SFXN1: variants seen among roughly 807,000 people sequenced by gnomAD.
SFXN1 encodes the protein sideroflexin 1, also known as sideroflexin-1.
A neutral mutation model predicts 39.5 loss-of-function variants in SFXN1; 32 were observed. The observed-to-expected ratio is 0.81, with a 90% CI of 0.61 to 1.09. The LOEUF (loss-of-function observed/expected upper bound fraction) is 1.09. Ranked by LOEUF, SFXN1 falls within the 50% of genes least tolerant of loss-of-function variation. SFXN1 has a pLI of 0.00. For synonymous variants in SFXN1, 136 were observed against 146.5 expected, an observed-to-expected ratio of 0.93 and a Z score of 0.52; for missense variants, 402 against 407.1, an observed-to-expected ratio of 0.99 and a Z score of 0.11.
At chr5:175,497,182 C>A (rs1759887746) in intron 2 of SFXN1, among the ~76,000 whole-genome samples, 1 of 152,210 alleles carries the variant, frequency 6.6e-6, no homozygotes, top group Admixed American at 6.5e-5. Context: ...AGCCACCATG[C>A]CTCGCCTATA....
intron 1 of SFXN1, chr5:175,483,470 A>C (rs781601014): frequency 5.9e-5 from 9 of 152,356 alleles, no homozygotes; most frequent in Admixed American, 1.3e-4. Context: ...TCCGAGCACC[A>C]GGAAGCCACA....
intron 2 of SFXN1, among the ~76,000 whole-genome samples, chr5:175,502,458 C>G (rs1405894183): frequency 6.6e-6 from 1 of 152,220 alleles, no homozygotes; most frequent in Non-Finnish European, 1.5e-5. Context: ...AAGATAGAGT[C>G]AGTTAGTTCT....
At chr5:175,516,708 T>C (rs778181875) in intron 8 of SFXN1, 45 bp downstream of exon 8, 1 of 1,588,622 alleles carries the variant, frequency 6.3e-7, no homozygotes, top group South Asian at 1.1e-5. Context: ...TTTTTATTTC[T>C]TTTCAGATTT....
chr5:175,515,562 A>G (rs2113347192), intron 7 of SFXN1, among the ~76,000 whole-genome samples: 1 of 152,320 alleles, frequency 6.6e-6, no homozygotes, highest in Non-Finnish European at 1.5e-5. Context: ...CCGCATACCC[A>G]GTGTTTTACA....
chr5:175,497,700 G>A lies in SFXN1; in HGVS notation c.164+5433G>A, dbSNP rs535477548. 6.6e-5 allele frequency among the ~76,000 whole-genome samples: 10 copies of A among 152,122 alleles called. No homozygotes were observed. The South Asian group carries it at 1.2e-3, about 19-fold the overall frequency. On this transcript the variant is annotated intron_variant, in intron 2 of 10. Coordinates refer to ENST00000321442, the MANE Select transcript of SFXN1 (RefSeq NM_022754.7). ...TCCCAGCACTTTTTGAGGCCGAGAC[G>A]GGTAGATCACCTCAGGTTAGGAGTT...
chr5:175,508,375 G>A (rs943156605), intron 2 of SFXN1, among the ~76,000 whole-genome samples: 5 of 151,796 alleles, frequency 3.3e-5, no homozygotes, highest in Admixed American at 3.3e-4. Flanking sequence ...ACAGGCATAT[G>A]CCACAATGCC....
At chr5:175,522,009 A>G (rs747490092) in intron 9 of SFXN1, 41 bp downstream of exon 9, 5 of 1,511,928 alleles carry the variant, frequency 3.3e-6, no homozygotes, top group Non-Finnish European at 3.6e-6. Context: ...TTCTTTTAAA[A>G]TATAAATACA....
intron 8 of SFXN1, 147 bp downstream of exon 8, chr5:175,516,810 A>G: frequency 2.7e-6 from 2 of 740,422 alleles, no homozygotes; most frequent in Admixed American, 3.3e-5. Context: ...GTTCCCAGGA[A>G]GATTTTATTT....
At chr5:175,481,077 C>T (rs896879365) in intron 1 of SFXN1, among the ~76,000 whole-genome samples, 2 of 152,134 alleles carry the variant, frequency 1.3e-5, no homozygotes, top group East Asian at 1.9e-4. Flanking sequence ...ATGGCATCTC[C>T]GAGTTGATTC....
At chr5:175,510,552 G>T (rs955468659) in intron 4 of SFXN1, among the ~76,000 whole-genome samples, 3 of 152,096 alleles carry the variant, frequency 2.0e-5, no homozygotes, top group Admixed American at 6.5e-5. Context: ...AGGCTGTTCC[G>T]CCATCTACCC....
chr5:175,485,618 C>A (rs1191709466), intron 1 of SFXN1, among the ~76,000 whole-genome samples: 2 of 152,218 alleles, frequency 1.3e-5, no homozygotes, highest in African/African-American at 4.8e-5. Flanking sequence ...GTAACATATT[C>A]ACAGTAGTAG....
intron 4 of SFXN1, 47 bp from the exon 5 acceptor site, chr5:175,511,404 T>G (rs1760507166): frequency 7.0e-7 from 1 of 1,426,870 alleles, no homozygotes; most frequent in Non-Finnish European, 9.9e-7. Context: ...CACCAGAGTT[T>G]CCTGACATGC....
At chr5:175,494,866 G>A (rs112443934) in intron 2 of SFXN1, among the ~76,000 whole-genome samples, 12,101 of 151,942 alleles carry the variant, frequency 0.08, 540 homozygotes, top group Admixed American at 0.11. Context: ...AAAAAAATAA[G>A]CCATAATATA....
At position 175,502,256 on chromosome 5, in the gene SFXN1, C is replaced by G. The variant is rs576560578; in HGVS notation, c.165-6776C>G. 3.3e-3 allele frequency among the ~76,000 whole-genome samples: 497 copies of G among 152,152 alleles called. 4 individuals are homozygous for G. Among genetic ancestry groups the G allele is most frequent in the Non-Finnish European group, 5.3e-3 (361 of 67,996 alleles). ...TTCTTGGAGCCAGAGACTGCATGAC[C>G]CCTAAACTGTAATTTCTGATCTTGT... On this transcript the variant is annotated intron_variant, in intron 2 of 10. Coordinates refer to ENST00000321442, the MANE Select transcript of SFXN1 (RefSeq NM_022754.7).
intron 1 of SFXN1, among the ~76,000 whole-genome samples, chr5:175,487,429 A>G (rs1049008975): frequency 1.3e-5 from 2 of 152,138 alleles, no homozygotes; most frequent in African/African-American, 4.8e-5. Context: ...TTCACTATCC[A>G]GAAATGGAAG....
intron 2 of SFXN1, among the ~76,000 whole-genome samples, chr5:175,501,553 G>C (rs1009400725): frequency 6.6e-6 from 1 of 152,030 alleles, no homozygotes; most frequent in Admixed American, 6.6e-5. Flanking sequence ...CTTGTATCTC[G>C]TAAAGGATTT....
At chr5:175,494,167 C>T (rs6874723) in intron 2 of SFXN1, among the ~76,000 whole-genome samples, 62,932 of 151,950 alleles carry the variant, frequency 0.41, 13,263 homozygotes, top group East Asian at 0.62. Context: ...TGAGGAAAAC[C>T]ATTTCTCTAA....
intron 2 of SFXN1, among the ~76,000 whole-genome samples, chr5:175,497,440 C>T (rs1194882170): frequency 6.6e-6 from 1 of 151,994 alleles, no homozygotes; most frequent in Non-Finnish European, 1.5e-5. Context: ...ATAAAAATGG[C>T]TAACATTAAA....
In SFXN1 at chr5:175,529,652, G is replaced by A. The variant is rs1050839831; in HGVS notation, c.*2918G>A. 1.3e-5 allele frequency: 2 copies of A among 152,186 alleles called. No individual in the cohort carries two copies. The highest frequency in any genetic ancestry group is 2.9e-5 in the Non-Finnish European group (2 of 68,036). The allele number at this position is 152,186 out of a possible 1,614,324, so 9.4% of individuals were successfully genotyped here. ...TTACTGACTGGCAGCTTTTATTTCA[G>A]TATTAGCACAGCGTCTTGCCAGTGT... On this transcript the variant is annotated 3_prime_UTR_variant, in exon 11 of 11. Coordinates refer to ENST00000321442, the MANE Select transcript of SFXN1 (RefSeq NM_022754.7).
Sources: gnomAD v4.1 joint callset for allele counts (sites outside exome capture counted in the v4.1 genomes callset) on GRCh38, gnomAD v4.1.1 for gene constraint, MANE v1.5 for transcripts, NCBI Gene and HGNC (gene_info 2026-07-23, HGNC 2026-07-21) for gene names.